RAB3D: variants seen among roughly 807,000 people sequenced by gnomAD.
RAB3D encodes the protein ras-related protein Rab-3D.
A neutral mutation model predicts 19.3 loss-of-function variants in RAB3D; 17 were observed. That is an observed-to-expected ratio of 0.88 (90% confidence interval 0.60 to 1.32). The LOEUF is 1.32. Among genes scored for constraint, RAB3D ranks in the 40% most tolerant of loss-of-function variants. RAB3D has a pLI of 0.00. For missense variants in RAB3D, 223 were observed against 299.1 expected, an observed-to-expected ratio of 0.75 and a Z score of 1.88; for synonymous variants, 103 against 119.9, an observed-to-expected ratio of 0.86 and a Z score of 0.92.
chr19:11,328,109 G>A (rs910055482), intron 4 of RAB3D, among the ~76,000 whole-genome samples: 3 of 151,632 alleles, frequency 2.0e-5, no homozygotes, highest in African/African-American at 4.8e-5. Flanking sequence ...CAAGGTGAGC[G>A]GATCACTTGA....
chr19:11,330,374 C>T (rs1303573909), intron 4 of RAB3D, among the ~76,000 whole-genome samples: 1 of 152,144 alleles, frequency 6.6e-6, no homozygotes, highest in Admixed American at 6.6e-5. Context: ...TAATCACAGA[C>T]GTGTGATTAC....
intron 4 of RAB3D, among the ~76,000 whole-genome samples, chr19:11,328,222 T>C (rs1428825374): frequency 6.7e-6 from 1 of 149,702 alleles, no homozygotes. Flanking sequence ...TGATCCCAGC[T>C]ACTTAGGAGG....
In RAB3D at chr19:11,337,396, CCATCTTGGCA is replaced by C; in HGVS notation, c.-7_3del. The C allele has an allele frequency of 6.2e-7, 1 of 1,613,090 alleles. No individual in the cohort carries two copies. The highest frequency in any genetic ancestry group is 8.5e-7 in the Non-Finnish European group (1 of 1,179,108). On this transcript the variant is annotated start_lost and 5_prime_UTR_variant, in exon 2 of 5. Coordinates refer to ENST00000222120, the MANE Select transcript of RAB3D (RefSeq NM_004283.4). ...CCTGCCTGGGTGTCTCCAGCTGATGCCATCTTGGCACAAGCCTCCTGGGACAGGGAGACCT... is the reference window on the plus strand; with the variant it reads ...CCTGCCTGGGTGTCTCCAGCTGATGCCAAGCCTCCTGGGACAGGGAGACCT...
At position 11,322,921 on chromosome 19, in the gene RAB3D, C is replaced by T. The variant is rs1285650853; in HGVS notation, c.*2477G>A. ...GAGACAATTGGCCAACAAAACCAGC[C>T]TGGCCAACAAGGTGAAACCGTCGCT... On this transcript the variant is annotated 3_prime_UTR_variant, in exon 5 of 5. Transcript: ENST00000222120. The T allele has an allele frequency of 6.6e-6, 1 of 152,098 alleles. No individual in the cohort carries two copies. Among genetic ancestry groups the T allele is most frequent in the East Asian group, 1.9e-4 (1 of 5,196 alleles). The allele number at this position is 152,098 out of a possible 1,614,324, so 9.4% of individuals were successfully genotyped here. A position where few individuals can be genotyped will look rare whatever the true frequency, so the allele number is the denominator to read the frequency against.
In RAB3D at chr19:11,337,437, C is replaced by A. The variant is rs760313797; in HGVS notation, c.-38G>T. On this transcript the variant is annotated 5_prime_UTR_variant, in exon 2 of 5. Transcript: ENST00000222120. ...CTCCTGGGACAGGGAGACCTGAAAT[C>A]CTCAGGGAGAGGAGACGGGCGTCCT... 3.4e-5 allele frequency: 53 copies of A among 1,572,742 alleles called. No homozygotes were observed. Among genetic ancestry groups the A allele is most frequent in the Non-Finnish European group, 4.5e-5 (52 of 1,142,978 alleles).
At chr19:11,335,134 G>C (rs34514579) in intron 4 of RAB3D, among the ~76,000 whole-genome samples, 6,241 of 152,312 alleles carry the variant, frequency 0.041, 151 homozygotes, top group African/African-American at 0.072. Context: ...AGACACCTGG[G>C]GGGGATCTGT....
intron 2 of RAB3D, among the ~76,000 whole-genome samples, chr19:11,335,988 G>C (rs1364055274): frequency 2.0e-5 from 3 of 152,182 alleles, no homozygotes; most frequent in African/African-American, 7.2e-5. Flanking sequence ...TCATTACCAA[G>C]GGATCTCCCC....
chr19:11,326,677 C>T (rs2080815115), intron 4 of RAB3D: 2 of 641,076 alleles, frequency 3.1e-6, no homozygotes. Context: ...GAACATGGCT[C>T]ATTGCAGCCT....
At position 11,325,674 on chromosome 19, in the gene RAB3D, A is replaced by C. The variant is rs1599355603; in HGVS notation, c.473-89T>G. On this transcript the variant is annotated intron_variant, in intron 4 of 4. Coordinates refer to ENST00000222120, the MANE Select transcript of RAB3D (RefSeq NM_004283.4). ...TCACAGAAACCTGGCTTCTAAGCCTAGTTCTGCTCTTTATCCTGCTGTGGG... is the reference window on the plus strand; with the variant it reads ...TCACAGAAACCTGGCTTCTAAGCCTCGTTCTGCTCTTTATCCTGCTGTGGG... 4 of 1,273,286 alleles carry C rather than the reference A, an allele frequency of 3.1e-6. No individual in the cohort carries two copies. In the East Asian group the frequency reaches 9.4e-5, roughly 30 times the overall value. 78.9% of individuals were successfully genotyped at this position (1,273,286 alleles called of 1,614,324 possible). A position where few individuals can be genotyped will look rare whatever the true frequency, so the allele number is the denominator to read the frequency against.
intron 1 of RAB3D, 142 bp from the exon 2 acceptor site, chr19:11,337,602 T>G: frequency 1.8e-6 from 1 of 554,214 alleles, no homozygotes; most frequent in Non-Finnish European, 3.2e-6. Flanking sequence ...TTCTAAAAAA[T>G]GGGATGTTTG....
rs2080791512 is a variant in RAB3D, at chr19:11,323,230, A to G, written c.*2168T>C. 1 of 152,190 alleles carries G rather than the reference A, an allele frequency of 6.6e-6. No homozygotes were observed. Among genetic ancestry groups the G allele is most frequent in the African/African-American group, 2.4e-5 (1 of 41,442 alleles). The allele number at this position is 152,190 out of a possible 1,614,324, so 9.4% of individuals were successfully genotyped here. On this transcript the variant is annotated 3_prime_UTR_variant, in exon 5 of 5. Coordinates refer to ENST00000222120, the MANE Select transcript of RAB3D (RefSeq NM_004283.4). ...CTAAAAATTTTTGACTCCCGCCCAC[A>G]TATTCAGATACCCTCACTTTGTGCA...
In RAB3D at chr19:11,337,381, T is replaced by C. The variant is rs1423882443; in HGVS notation, c.19A>G (p.Thr7Ala). 6 of 1,613,758 alleles carry C rather than the reference T, an allele frequency of 3.7e-6. 1 individual carries two copies. In the Middle Eastern group the frequency reaches 5.0e-4, roughly 133 times the overall value. MASAGD[T>A]QAGPRDAADQ... ...GCTGCATCCCGTGGGCCTGCCTGGG[T>C]GTCTCCAGCTGATGCCATCTTGGCA... Residue 7 changes from threonine to alanine, a missense_variant, in exon 2 of 5, where the codon ACC becomes GCC. Coordinates refer to ENST00000222120, the MANE Select transcript of RAB3D (RefSeq NM_004283.4).
chr19:11,325,638 C>G, intron 4 of RAB3D, 53 bp from the exon 5 acceptor site: 1 of 1,511,032 alleles, frequency 6.6e-7, no homozygotes, highest in South Asian at 1.2e-5. Flanking sequence ...GGCAGAGTCT[C>G]AGCTGTGGCA....
intron 2 of RAB3D, 93 bp downstream of exon 2, chr19:11,337,079 G>A (rs1966902015): frequency 1.8e-6 from 2 of 1,094,152 alleles, no homozygotes; most frequent in Non-Finnish European, 2.7e-6. Flanking sequence ...GGGCAACAGA[G>A]TGAGACTCCG....
chr19:11,325,162 G>C lies in RAB3D; in HGVS notation c.*236C>G, dbSNP rs1260276655. On this transcript the variant is annotated 3_prime_UTR_variant, in exon 5 of 5. Transcript: ENST00000222120. Reference sequence around the variant, plus strand: ...AGCTCATGCACGTCAGTGTCCCTGGGCCTCTGCCTGCCATGCAGAGCTGAG... The same window carrying C: ...AGCTCATGCACGTCAGTGTCCCTGGCCCTCTGCCTGCCATGCAGAGCTGAG... The C allele has an allele frequency of 4.2e-6, 2 of 477,666 alleles. No homozygotes were observed. Among genetic ancestry groups the C allele is most frequent in the Non-Finnish European group, 7.7e-6 (2 of 261,234 alleles). The allele number at this position is 477,666 out of a possible 1,614,324, so 29.6% of individuals were successfully genotyped here.
chr19:11,335,840 GTCTT>G, intron 2 of RAB3D, 57 bp from the exon 3 acceptor site: 3 of 1,485,602 alleles, frequency 2.0e-6, no homozygotes. Context: ...GTCCACCCCT[GTCTT>G]AGAGGGGCAC....
In RAB3D at chr19:11,322,467, G is replaced by C. The variant is rs1283513000; in HGVS notation, c.*2931C>G. 6.6e-6 allele frequency: 1 copy of C among 152,170 alleles called. No individual in the cohort carries two copies. The allele number at this position is 152,170 out of a possible 1,614,324, so 9.4% of individuals were successfully genotyped here. Reference sequence around the variant, plus strand: ...AGTGAATGTTAAGAAGGAAGGCACTGGTTAGTGGGTGGTCCTGACCAATCC... The same window carrying C: ...AGTGAATGTTAAGAAGGAAGGCACTCGTTAGTGGGTGGTCCTGACCAATCC... On this transcript the variant is annotated 3_prime_UTR_variant, in exon 5 of 5. Coordinates refer to ENST00000222120, the MANE Select transcript of RAB3D (RefSeq NM_004283.4).
intron 2 of RAB3D, 93 bp from the exon 3 acceptor site, chr19:11,335,876 G>T: frequency 8.6e-7 from 1 of 1,165,378 alleles, no homozygotes; most frequent in Non-Finnish European, 1.3e-6. Context: ...CATAGCCCCA[G>T]CCTTACGGGG....
rs1427006432 is a variant in RAB3D at position 11,324,333 on chromosome 19, A to G, written c.*1065T>C. The G allele has an allele frequency of 6.6e-6, 1 of 151,940 alleles. No homozygotes were observed. The highest frequency in any genetic ancestry group is 1.5e-5 in the Non-Finnish European group (1 of 68,028). The allele number at this position is 151,940 out of a possible 1,614,324, so 9.4% of individuals were successfully genotyped here. A position where few individuals can be genotyped will look rare whatever the true frequency, so the allele number is the denominator to read the frequency against. ...TCCCTGGGCCCTGCCGATGACAAGGATTGGGAAATGGACATTGGGTCTTGA... is the reference window on the plus strand; with the variant it reads ...TCCCTGGGCCCTGCCGATGACAAGGGTTGGGAAATGGACATTGGGTCTTGA... On this transcript the variant is annotated 3_prime_UTR_variant, in exon 5 of 5. Coordinates refer to ENST00000222120, the MANE Select transcript of RAB3D (RefSeq NM_004283.4).
Sources: gnomAD v4.1 joint callset for allele counts (sites outside exome capture counted in the v4.1 genomes callset) on GRCh38, gnomAD v4.1.1 for gene constraint, MANE v1.5 for transcripts, NCBI Gene and HGNC (gene_info 2026-07-23, HGNC 2026-07-21) for gene names.